PDRG1: variants seen among roughly 807,000 people sequenced by gnomAD.
The protein encoded by PDRG1 is p53 and DNA damage regulated 1.
In PDRG1, 14 loss-of-function variants were observed where a neutral mutation model predicts 18.4. That is an observed-to-expected ratio of 0.76 (90% CI 0.50 to 1.19). The LOEUF is 1.19. Ranked by LOEUF, PDRG1 falls within the 50% of genes most tolerant of loss-of-function variation. The pLI, the probability that PDRG1 is intolerant of heterozygous loss-of-function variation, is 0.00. For missense variants in PDRG1, 177 were observed against 160.1 expected, an observed-to-expected ratio of 1.11 and a Z score of -0.57; for synonymous variants, 65 against 60.9, an observed-to-expected ratio of 1.07 and a Z score of -0.31.
At chr20:31,946,090 G>A (rs540503054) in intron 4 of PDRG1, among the ~76,000 whole-genome samples, 11 of 152,162 alleles carry the variant, frequency 7.2e-5, no homozygotes, top group Non-Finnish European at 1.3e-4. Flanking sequence ...GCGTAACTCT[G>A]CTGCCCAAAG....
At chr20:31,951,556 C>G (rs976527573) in intron 1 of PDRG1, among the ~76,000 whole-genome samples, 16 of 152,142 alleles carry the variant, frequency 1.1e-4, no homozygotes, top group African/African-American at 3.9e-4. Context: ...TTCCAGCTCT[C>G]CCCTGAGGGC....
At chr20:31,949,334 G>A (rs1404071014) in intron 2 of PDRG1, among the ~76,000 whole-genome samples, 1 of 152,252 alleles carries the variant, frequency 6.6e-6, no homozygotes, top group Admixed American at 6.5e-5. Context: ...CACTTTGGGA[G>A]GCCGAGGCAG....
At position 31,949,159 on chromosome 20, in the gene PDRG1, A is replaced by C. The variant is rs184619019; in HGVS notation, c.164-277T>G. Among the ~76,000 whole-genome samples the C allele has an allele frequency of 1.8e-3, 274 of 152,326 alleles. 1 individual carries two copies. Among genetic ancestry groups the C allele is most frequent in the African/African-American group, 6.3e-3 (260 of 41,566 alleles). ...GAGAAGGCCTTACTGATTATATGCTATCTACACAGAGACCTAAGGAAAGTG... is the reference window on the plus strand; with the variant it reads ...GAGAAGGCCTTACTGATTATATGCTCTCTACACAGAGACCTAAGGAAAGTG... On this transcript the variant is annotated intron_variant, in intron 2 of 4. Coordinates refer to ENST00000202017, the MANE Select transcript of PDRG1 (RefSeq NM_030815.3).
At chr20:31,945,945 GGCC>G in intron 4 of PDRG1, 56 bp from the exon 5 acceptor site, 2 of 1,483,656 alleles carry the variant, frequency 1.3e-6, no homozygotes, top group Non-Finnish European at 1.9e-6. Flanking sequence ...TCTGGAGCCA[GGCC>G]CAGGAAAGGG....
chr20:31,949,310 G>A (rs960423392), intron 2 of PDRG1, among the ~76,000 whole-genome samples: 2 of 152,222 alleles, frequency 1.3e-5, no homozygotes, highest in Non-Finnish European at 2.9e-5. Context: ...AGTGGCTCAC[G>A]CCTGTAATCC....
chr20:31,947,748 C>T lies in PDRG1; in HGVS notation c.238+1060G>A, dbSNP rs1225840485. Among the ~76,000 whole-genome samples, 5 of 152,230 alleles carry T rather than the reference C, an allele frequency of 3.3e-5. No individual in the cohort carries two copies. In the East Asian group the frequency reaches 5.8e-4, roughly 18 times the overall value. On this transcript the variant is annotated intron_variant, in intron 3 of 4. Coordinates refer to ENST00000202017, the MANE Select transcript of PDRG1 (RefSeq NM_030815.3). ...ACTAAAAAAACACAAAAATTAGCCA[C>T]GCATGATGGCATGCACCTATAATTC...
rs571646655 is a variant in PDRG1, at chr20:31,948,962, CAACAGAGCAG to C, written c.164-90_164-81del. 887 of 1,347,190 alleles carry C rather than the reference CAACAGAGCAG, an allele frequency of 6.6e-4. 1 individual carries two copies. Among genetic ancestry groups the C allele is most frequent in the Non-Finnish European group, 8.9e-4 (843 of 952,278 alleles). 83.5% of individuals were successfully genotyped at this position (1,347,190 alleles called of 1,614,324 possible). ...TGCCAGGCATTGTTTTAGATACAGACAACAGAGCAGAACAAGAAAAAGTTCCTGCCCTCTT... is the reference window on the plus strand; with the variant it reads ...TGCCAGGCATTGTTTTAGATACAGACAACAAGAAAAAGTTCCTGCCCTCTT... On this transcript the variant is annotated intron_variant, in intron 2 of 4. Coordinates refer to ENST00000202017, the MANE Select transcript of PDRG1 (RefSeq NM_030815.3).
Position 31,945,893 on chromosome 20 carries a change from G to A in PDRG1, c.320-4C>T, listed in dbSNP as rs1425829268. 1.2e-6 allele frequency: 2 copies of A among 1,612,558 alleles called. No individual in the cohort carries two copies. The highest frequency in any genetic ancestry group is 1.7e-6 in the Non-Finnish European group (2 of 1,179,356). ...AAACCCTTCAGCTCCGGTTTGCCTA[G>A]GAGAGAAGATGATCCATCAGCACGT... On this transcript the variant is annotated splice_region_variant and splice_polypyrimidine_tract_variant and intron_variant, in intron 4 of 4. Coordinates refer to ENST00000202017, the MANE Select transcript of PDRG1 (RefSeq NM_030815.3).
In PDRG1 at chr20:31,946,501, G is replaced by C; in HGVS notation, c.314C>G (p.Ala105Gly). ...LKVKVNRLFEAQGKPELKGFN... is the reference protein window; with the variant it reads ...LKVKVNRLFEGQGKPELKGFN... ...AGTCCCTGCTAAGCCAATACCTTGG[G>C]CCTCAAAAAGGCGGTTGACCTTCAC... The change falls in exon 4 of 5, where the codon GCC becomes GGC. Residue 105 changes from alanine to glycine, a missense_variant. Coordinates refer to ENST00000202017, the MANE Select transcript of PDRG1 (RefSeq NM_030815.3). 1 of 1,604,956 alleles carries C rather than the reference G, an allele frequency of 6.2e-7. No homozygotes were observed. Among genetic ancestry groups the C allele is most frequent in the Non-Finnish European group, 8.5e-7 (1 of 1,171,724 alleles).
At chr20:31,946,007 G>A in intron 4 of PDRG1, 118 bp from the exon 5 acceptor site, 1 of 759,860 alleles carries the variant, frequency 1.3e-6, no homozygotes, top group South Asian at 1.7e-5. Flanking sequence ...GTCTGGCAGG[G>A]ATGGGCCTCC....
In PDRG1 at chr20:31,945,319, C is replaced by G. The variant is rs2064305536; in HGVS notation, c.*488G>C. On this transcript the variant is annotated 3_prime_UTR_variant, in exon 5 of 5. Transcript: ENST00000202017. ...ATGGCTGTGGTGAGCCACAAAGCACCAAGATTCTGTTCTTCATTCAGCAAC... is the reference window on the plus strand; with the variant it reads ...ATGGCTGTGGTGAGCCACAAAGCACGAAGATTCTGTTCTTCATTCAGCAAC... The G allele has an allele frequency of 6.5e-6, 1 of 152,958 alleles. No homozygotes were observed. Among genetic ancestry groups the G allele is most frequent in the Non-Finnish European group, 1.5e-5 (1 of 68,318 alleles). The allele number at this position is 152,958 out of a possible 1,614,324, so 9.5% of individuals were successfully genotyped here. A position where few individuals can be genotyped will look rare whatever the true frequency, so the allele number is the denominator to read the frequency against.
At chr20:31,947,947 C>T (rs1217053014) in intron 3 of PDRG1, among the ~76,000 whole-genome samples, 4 of 152,056 alleles carry the variant, frequency 2.6e-5, no homozygotes, top group South Asian at 4.1e-4. Flanking sequence ...TCTTCAGGGA[C>T]TGAGGCAACC....
intron 1 of PDRG1, among the ~76,000 whole-genome samples, chr20:31,951,062 TA>T (rs1313421579): frequency 7.9e-5 from 12 of 152,226 alleles, no homozygotes; most frequent in Admixed American, 7.9e-4. Flanking sequence ...AAGTAGCTGA[TA>T]AACTTTAACT....
Position 31,946,368 on chromosome 20 carries a change from C to T in PDRG1, c.319+128G>A, listed in dbSNP as rs2064318828. 3.5e-6 allele frequency: 3 copies of T among 850,290 alleles called. No homozygotes were observed. The Admixed American group carries it at 5.5e-5, about 16-fold the overall frequency. 52.7% of individuals were successfully genotyped at this position (850,290 alleles called of 1,614,324 possible). The stretch of plus-strand genomic sequence containing the variant: ...CTACAACCAACCACTGTGCACACCT[C>T]CAGGGCCACTCACAGGCTGCCCCGG... On this transcript the variant is annotated intron_variant, in intron 4 of 4. Transcript: ENST00000202017.
Position 31,951,780 on chromosome 20 carries a change from C to T in PDRG1, c.87+95G>A. The T allele has an allele frequency of 2.3e-6, 3 of 1,328,012 alleles. No individual in the cohort carries two copies. The South Asian group carries it at 4.5e-5, about 20-fold the overall frequency. The allele number at this position is 1,328,012 out of a possible 1,614,324, so 82.3% of individuals were successfully genotyped here. A position where few individuals can be genotyped will look rare whatever the true frequency, so the allele number is the denominator to read the frequency against. ...TCGGCCCAGGTCTGTCGCCTCGGAG[C>T]CGTTAACCGCCTGTCCAGGTCAACT... On this transcript the variant is annotated intron_variant, in intron 1 of 4. Coordinates refer to ENST00000202017, the MANE Select transcript of PDRG1 (RefSeq NM_030815.3).
chr20:31,946,417 G>T, intron 4 of PDRG1, 79 bp downstream of exon 4: 2 of 1,352,286 alleles, frequency 1.5e-6, no homozygotes, highest in Non-Finnish European at 1.1e-6. Flanking sequence ...CTGAGGGTCG[G>T]ACTTCCCATC....
At chr20:31,951,249 C>T (rs2064350090) in intron 1 of PDRG1, among the ~76,000 whole-genome samples, 1 of 152,112 alleles carries the variant, frequency 6.6e-6, no homozygotes, top group Admixed American at 6.5e-5. Context: ...ACATTTCTGA[C>T]CCCTTCACTT....
intron 1 of PDRG1, 98 bp downstream of exon 1, chr20:31,951,777 G>C: frequency 7.6e-7 from 1 of 1,309,824 alleles, no homozygotes; most frequent in Non-Finnish European, 1.0e-6. Context: ...TGTCGCCTCG[G>C]AGCCGTTAAC....
rs2064301710 is a variant in PDRG1, at chr20:31,945,096, G to A, written c.*711C>T. On this transcript the variant is annotated 3_prime_UTR_variant, in exon 5 of 5. Coordinates refer to ENST00000202017, the MANE Select transcript of PDRG1 (RefSeq NM_030815.3). ...GTGCTGGCCGGGCCCCACTTTCAGA[G>A]GGGGCGGAAGGGCATCTTGACACGT... 6.6e-6 allele frequency: 1 copy of A among 152,268 alleles called. No individual in the cohort carries two copies. The allele number at this position is 152,268 out of a possible 1,614,324, so 9.4% of individuals were successfully genotyped here. A position where few individuals can be genotyped will look rare whatever the true frequency, so the allele number is the denominator to read the frequency against.
Sources: gnomAD v4.1 joint callset for allele counts (sites outside exome capture counted in the v4.1 genomes callset) on GRCh38, gnomAD v4.1.1 for gene constraint, MANE v1.5 for transcripts, NCBI Gene and HGNC (gene_info 2026-07-23, HGNC 2026-07-21) for gene names.